Variants in SLC4A4 observed in about 807,000 individuals in gnomAD.
The protein encoded by SLC4A4 is electrogenic sodium bicarbonate cotransporter 1.
In SLC4A4, 27 loss-of-function variants were observed where a neutral mutation model predicts 111.5. The observed-to-expected ratio is 0.24, with a 90% confidence interval of 0.18 to 0.33. The LOEUF (loss-of-function observed/expected upper bound fraction) is 0.33, where lower values mean the gene tolerates loss of function less well. SLC4A4 is among the 10% of genes least tolerant of loss of function. SLC4A4 has a pLI of 1.00. For missense variants in SLC4A4, 909 were observed against 1,315.5 expected (o/e 0.69, Z 4.78); for synonymous variants, 443 against 463.4 (o/e 0.96, Z 0.57).
intron 3 of SLC4A4, among the ~76,000 whole-genome samples, chr4:71,324,952 A>G (rs1727396637): frequency 6.6e-6 from 1 of 151,994 alleles, no homozygotes; most frequent in Admixed American, 6.6e-5. Flanking sequence ...TAATAATATC[A>G]TGGCATATTA....
intron 3 of SLC4A4, among the ~76,000 whole-genome samples, chr4:71,291,025 A>G (rs1724305254): frequency 6.6e-6 from 1 of 152,246 alleles, no homozygotes; most frequent in African/African-American, 2.4e-5. Flanking sequence ...AATTTTGGTC[A>G]AGACAGAATC....
chr4:71,281,748 T>A (rs1471972247), intron 3 of SLC4A4, among the ~76,000 whole-genome samples: 1 of 152,228 alleles, frequency 6.6e-6, no homozygotes, highest in Non-Finnish European at 1.5e-5. Flanking sequence ...TTTCTAATGC[T>A]ACAGTGGGTT....
At position 71,531,828 on chromosome 4, in the gene SLC4A4, A is replaced by AG. The variant is rs1560592674; in HGVS notation, c.2167-234_2167-233insG. Among the ~76,000 whole-genome samples the AG allele has an allele frequency of 0.035, 5,087 of 146,666 alleles. 335 individuals are homozygous for AG. Among genetic ancestry groups the AG allele is most frequent in the African/African-American group, 0.11 (4,385 of 39,304 alleles). On this transcript the variant is annotated intron_variant, in intron 16 of 25. Coordinates refer to ENST00000264485, the MANE Select transcript of SLC4A4 (RefSeq NM_001098484.3). ...ACAGAAAGAGAGAGAGAGAGAGAGA[A>AG]AGAGCGAGCGCAACCTGTTCTTTGG...
At chr4:71,174,569 G>T (rs985351452) in intron 2 of SLC4A4, among the ~76,000 whole-genome samples, 6 of 151,988 alleles carry the variant, frequency 3.9e-5, no homozygotes, top group African/African-American at 1.4e-4. Flanking sequence ...TTTTAATACA[G>T]TATGGTCAAT....
chr4:71,296,359 G>C (rs546855431), intron 3 of SLC4A4, among the ~76,000 whole-genome samples: 1 of 152,202 alleles, frequency 6.6e-6, no homozygotes, highest in East Asian at 1.9e-4. Context: ...CTTGTGTTTT[G>C]CAATAGATAA....
At chr4:71,511,519 A>C (rs1318969723) in intron 16 of SLC4A4, among the ~76,000 whole-genome samples, 1 of 152,126 alleles carries the variant, frequency 6.6e-6, no homozygotes, top group Non-Finnish European at 1.5e-5. Flanking sequence ...AAACTTAAAA[A>C]ATACAACTTT....
chr4:71,471,639 A>G (rs972960851), intron 13 of SLC4A4, among the ~76,000 whole-genome samples: 1 of 151,974 alleles, frequency 6.6e-6, no homozygotes, highest in Admixed American at 6.6e-5. Flanking sequence ...CTTTTTCGTC[A>G]CAAATAAATA....
intron 2 of SLC4A4, among the ~76,000 whole-genome samples, chr4:71,241,820 G>A (rs928728102): frequency 1.3e-5 from 2 of 152,200 alleles, no homozygotes; most frequent in African/African-American, 4.8e-5. Context: ...GTTTTTAAAA[G>A]TTGGTACTTG....
intron 14 of SLC4A4, among the ~76,000 whole-genome samples, chr4:71,485,457 A>G (rs1443440867): frequency 6.6e-6 from 1 of 151,592 alleles, no homozygotes; most frequent in Non-Finnish European, 1.5e-5. Context: ...GCATATGTTG[A>G]ACCAACCTTG....
At chr4:71,106,455 T>C (rs1742921779) in intron 2 of SLC4A4, among the ~76,000 whole-genome samples, 1 of 147,800 alleles carries the variant, frequency 6.8e-6, no homozygotes, top group African/African-American at 2.5e-5. Flanking sequence ...ATCATGCTGC[T>C]ATAAAGACAC....
At chr4:71,120,630 G>A (rs776188252) in intron 2 of SLC4A4, among the ~76,000 whole-genome samples, 7 of 152,222 alleles carry the variant, frequency 4.6e-5, no homozygotes, top group South Asian at 4.1e-4. Context: ...CACTTTGGGA[G>A]GCCGAGGTGG....
At chr4:71,102,648 G>T (rs1017931959) in intron 2 of SLC4A4, among the ~76,000 whole-genome samples, 19 of 150,664 alleles carry the variant, frequency 1.3e-4, no homozygotes, top group South Asian at 4.2e-4. Context: ...TTTCAACCCA[G>T]AATTTCATAT....
intron 3 of SLC4A4, among the ~76,000 whole-genome samples, chr4:71,259,831 G>A (rs1378893329): frequency 6.6e-6 from 1 of 152,160 alleles, no homozygotes; most frequent in Non-Finnish European, 1.5e-5. Context: ...CTTTGTGACT[G>A]TAGAGATCCT....
At chr4:71,183,512 C>G (rs2148989141), upstream of SLC4A4, among the ~76,000 whole-genome samples, 1 of 152,292 alleles carries the variant, frequency 6.6e-6, no homozygotes, top group South Asian at 2.1e-4. Context: ...ATTTGCCAGA[C>G]TGAATATGAA....
At chr4:71,523,980 A>G (rs1310487234) in intron 16 of SLC4A4, among the ~76,000 whole-genome samples, 1 of 152,092 alleles carries the variant, frequency 6.6e-6, no homozygotes, top group Non-Finnish European at 1.5e-5. Flanking sequence ...TTCCTAGAAC[A>G]GGAACCTAGC....
At chr4:71,533,228 C>T (rs1034648408) in intron 17 of SLC4A4, among the ~76,000 whole-genome samples, 2 of 152,094 alleles carry the variant, frequency 1.3e-5, no homozygotes, top group Admixed American at 1.3e-4. Context: ...ACCCATTCAA[C>T]CATTAATTCA....
At chr4:71,508,364 G>A (rs1731608086) in intron 16 of SLC4A4, among the ~76,000 whole-genome samples, 1 of 152,002 alleles carries the variant, frequency 6.6e-6, no homozygotes, top group African/African-American at 2.4e-5. Flanking sequence ...AGATAAGAGA[G>A]AAGACTCAAA....
intron 12 of SLC4A4, among the ~76,000 whole-genome samples, chr4:71,454,905 G>A (rs1332596849): frequency 6.6e-6 from 1 of 152,074 alleles, no homozygotes; most frequent in Non-Finnish European, 1.5e-5. Context: ...CAGAGGTTGA[G>A]GTCACGCAGC....
intron 5 of SLC4A4, among the ~76,000 whole-genome samples, chr4:71,355,278 CAT>C (rs1170969387): frequency 6.6e-6 from 1 of 152,190 alleles, no homozygotes; most frequent in East Asian, 1.9e-4. Flanking sequence ...TGATAACACT[CAT>C]AGCAGACATG....
Sources: gnomAD v4.1 joint callset for allele counts (sites outside exome capture counted in the v4.1 genomes callset) on GRCh38, gnomAD v4.1.1 for gene constraint, MANE v1.5 for transcripts, NCBI Gene and HGNC (gene_info 2026-07-23, HGNC 2026-07-21) for gene names.